RBFOX1: variants seen among roughly 807,000 people sequenced by gnomAD.
The protein encoded by RBFOX1 is RNA binding fox-1 homolog 1, also known as RNA binding protein fox-1 homolog 1.
Under a neutral mutation model 57.7 loss-of-function variants are expected in RBFOX1, and 8 were observed. The observed-to-expected ratio is 0.14, with a 90% CI of 0.08 to 0.25. The LOEUF (loss-of-function observed/expected upper bound fraction) is 0.25. Ranked by LOEUF, RBFOX1 falls within the 10% of genes least tolerant of loss-of-function variation. RBFOX1 has a pLI of 1.00. For missense variants in RBFOX1, 611 were observed against 548.5 expected, an observed-to-expected ratio of 1.11 and a Z score of -1.14; for synonymous variants, 326 against 222.4, an observed-to-expected ratio of 1.47 and a Z score of -4.15.
intron 4 of RBFOX1, among the ~76,000 whole-genome samples, chr16:7,268,718 C>T (rs1343213817): frequency 1.3e-5 from 2 of 152,030 alleles, no homozygotes; most frequent in East Asian, 1.9e-4. Context: ...TGGGACTAGC[C>T]TTTTTCTCAC....
chr16:6,163,108 T>C (rs1244169898), intron 1 of RBFOX1, among the ~76,000 whole-genome samples: 2 of 152,110 alleles, frequency 1.3e-5, no homozygotes, highest in African/African-American at 4.8e-5. Flanking sequence ...TGAATCACCC[T>C]TTAGACACAG....
chr16:5,840,149 C>A (rs2056581738), intron 3 of RBFOX1, among the ~76,000 whole-genome samples: 1 of 152,248 alleles, frequency 6.6e-6, no homozygotes, highest in Middle Eastern at 3.4e-3. Flanking sequence ...CTTATTTCCC[C>A]CATTGTGTTT....
chr16:6,896,284 T>C (rs1342864696), intron 3 of RBFOX1, among the ~76,000 whole-genome samples: 1 of 152,196 alleles, frequency 6.6e-6, no homozygotes, highest in Non-Finnish European at 1.5e-5. Context: ...AAACAGTTTA[T>C]CCTTTTTGGT....
chr16:6,536,420 C>T (rs1395505003), intron 2 of RBFOX1, among the ~76,000 whole-genome samples: 3 of 152,206 alleles, frequency 2.0e-5, no homozygotes, highest in Admixed American at 6.5e-5. Flanking sequence ...TTGTCCTCCC[C>T]TGTTGACTTC....
chr16:6,927,373 G>A (rs888172175), intron 3 of RBFOX1, among the ~76,000 whole-genome samples: 21 of 117,684 alleles, frequency 1.8e-4, no homozygotes, highest in African/African-American at 5.2e-4. Context: ...AGATCGCACC[G>A]CTCCACTCCA....
rs57989614 is a variant in RBFOX1, at chr16:7,062,317, CAAAAAAA to C, written c.27+10234_27+10240del. On this transcript the variant is annotated intron_variant, in intron 4 of 15. Transcript: ENST00000550418. ...TGAGAGACAGAGTGAGACTCCATCT[CAAAAAAA>C]AAAAAAAAAAAAAAGAAAAGAAAAA... Among the ~76,000 whole-genome samples the C allele has an allele frequency of 5.7e-3, 373 of 65,346 alleles. 4 individuals are homozygous for C. The highest frequency in any genetic ancestry group is 0.022 in the African/African-American group (356 of 16,322). The allele number at this position is 65,346 out of a possible 152,430, so 42.9% of individuals were successfully genotyped here. A position where few individuals can be genotyped will look rare whatever the true frequency, so the allele number is the denominator to read the frequency against.
chr16:6,423,832 T>A lies in RBFOX1; in HGVS notation c.-64+106775T>A, dbSNP rs554523144. Among the ~76,000 whole-genome samples, 3 of 151,980 alleles carry A rather than the reference T, an allele frequency of 2.0e-5. No homozygotes were observed. In the East Asian group the frequency reaches 5.8e-4, roughly 30 times the overall value. On this transcript the variant is annotated intron_variant, in intron 2 of 15. Transcript: ENST00000550418. ...AGAGGGAATCAGAACAGAAGAGAAA[T>A]GAGGAGCCCAGATAAGAGATCCACC...
intron 1 of RBFOX1, among the ~76,000 whole-genome samples, chr16:5,453,000 T>G (rs1307960315): frequency 6.6e-6 from 1 of 152,200 alleles, no homozygotes; most frequent in Non-Finnish European, 1.5e-5. Context: ...TCACTGCTCC[T>G]GGGCATTTCA....
At chr16:5,528,670 C>G (rs1032535184) in intron 2 of RBFOX1, among the ~76,000 whole-genome samples, 1 of 150,232 alleles carries the variant, frequency 6.7e-6, no homozygotes, top group South Asian at 2.1e-4. Context: ...CCCTCCTGTC[C>G]TCTTTCTCTC....
At chr16:5,770,719 T>G (rs2053949980) in intron 3 of RBFOX1, among the ~76,000 whole-genome samples, 2 of 152,250 alleles carry the variant, frequency 1.3e-5, no homozygotes, top group African/African-American at 2.4e-5. Context: ...GGTGCTCGCC[T>G]GCATCAAACT....
chr16:6,306,134 C>G (rs370511017), intron 1 of RBFOX1, among the ~76,000 whole-genome samples: 1 of 152,204 alleles, frequency 6.6e-6, no homozygotes, highest in African/African-American at 2.4e-5. Context: ...CCTCAGGCAG[C>G]ATTCAGCCTG....
chr16:5,884,661 G>A (rs1312163511), intron 4 of RBFOX1, among the ~76,000 whole-genome samples: 15 of 152,008 alleles, frequency 9.9e-5, no homozygotes, highest in Admixed American at 7.9e-4. Flanking sequence ...TGTTGGAGTC[G>A]AATAAATCAG....
intron 1 of RBFOX1, among the ~76,000 whole-genome samples, chr16:6,057,590 C>T (rs1352293419): frequency 6.6e-6 from 1 of 151,980 alleles, no homozygotes; most frequent in Non-Finnish European, 1.5e-5. Flanking sequence ...AAAAAAAGAC[C>T]AAAGACACTG....
At chr16:7,492,755 G>A (rs956947668) in intron 4 of RBFOX1, among the ~76,000 whole-genome samples, 19 of 151,980 alleles carry the variant, frequency 1.3e-4, no homozygotes, top group Non-Finnish European at 1.5e-5. Context: ...AAAGCGGTTG[G>A]CATCTTCCCC....
At chr16:6,241,685 T>A (rs1296346440) in intron 1 of RBFOX1, among the ~76,000 whole-genome samples, 2 of 152,172 alleles carry the variant, frequency 1.3e-5, no homozygotes, top group Admixed American at 6.6e-5. Context: ...ACACTGATAC[T>A]GAGGAAATAA....
intron 4 of RBFOX1, among the ~76,000 whole-genome samples, chr16:7,166,279 G>C (rs1431361943): frequency 1.3e-5 from 2 of 149,604 alleles, no homozygotes; most frequent in African/African-American, 2.4e-5. Context: ...CTTCCCAAGT[G>C]CTGGGATTAT....
chr16:7,678,285 C>G (rs1342702576), intron 14 of RBFOX1, among the ~76,000 whole-genome samples: 1 of 152,098 alleles, frequency 6.6e-6, no homozygotes, highest in Admixed American at 6.5e-5. Context: ...AAGTTGTTAT[C>G]TCCAACACAC....
At chr16:5,734,948 T>G (rs188143470) in intron 3 of RBFOX1, among the ~76,000 whole-genome samples, 1 of 152,054 alleles carries the variant, frequency 6.6e-6, no homozygotes, top group Non-Finnish European at 1.5e-5. Flanking sequence ...ATAGTAGATG[T>G]GCAGATAAAG....
chr16:7,344,882 C>T (rs192915989), intron 4 of RBFOX1, among the ~76,000 whole-genome samples: 50 of 152,306 alleles, frequency 3.3e-4, no homozygotes, highest in African/African-American at 9.1e-4. Context: ...CCCGTACAAC[C>T]GACTCTGAGC....
Sources: gnomAD v4.1 joint callset for allele counts (sites outside exome capture counted in the v4.1 genomes callset) on GRCh38, gnomAD v4.1.1 for gene constraint, MANE v1.5 for transcripts, NCBI Gene and HGNC (gene_info 2026-07-23, HGNC 2026-07-21) for gene names.